DCC: variants seen among roughly 807,000 people sequenced by gnomAD.
The protein encoded by DCC is DCC netrin 1 receptor.
A neutral mutation model predicts 172.5 loss-of-function variants in DCC; 58 were observed. The ratio of observed to expected loss-of-function variants is 0.34; its 90% CI spans 0.27 to 0.42. The LOEUF (loss-of-function observed/expected upper bound fraction) is 0.42. Ranked by LOEUF, DCC falls within the 10% of genes least tolerant of loss-of-function variation. The probability of loss-of-function intolerance (pLI) is 1.00; values close to 1 mark genes in which losing one functional copy is unlikely to be tolerated. For missense variants in DCC, 1,740 were observed against 1,791.0 expected (o/e 0.97, Z 0.51); for synonymous variants, 709 against 644.5 (o/e 1.10, Z -1.52).
chr18:52,730,698 AC>A, intron 1 of DCC, among the ~76,000 whole-genome samples: 1 of 152,270 alleles, frequency 6.6e-6, no homozygotes, highest in Non-Finnish European at 1.5e-5. Flanking sequence ...AAGCAGATGA[AC>A]ATTTATATGT....
At chr18:53,045,606 C>T (rs753022057) in intron 5 of DCC, among the ~76,000 whole-genome samples, 1 of 151,702 alleles carries the variant, frequency 6.6e-6, no homozygotes, top group Non-Finnish European at 1.5e-5. Flanking sequence ...AGTGCAAGAC[C>T]GATGGCAGGG....
chr18:52,467,296 G>A (rs1988814829), intron 1 of DCC, among the ~76,000 whole-genome samples: 1 of 151,988 alleles, frequency 6.6e-6, no homozygotes, highest in Non-Finnish European at 1.5e-5. Flanking sequence ...AACATGTGGT[G>A]TTTGGTTTTC....
intron 1 of DCC, among the ~76,000 whole-genome samples, chr18:52,448,817 A>G (rs1988211125): frequency 6.6e-6 from 1 of 152,204 alleles, no homozygotes; most frequent in Non-Finnish European, 1.5e-5. Context: ...CTTTCACCCT[A>G]GTTGTCCCTA....
At chr18:53,139,747 G>T (rs1275493804) in intron 7 of DCC, among the ~76,000 whole-genome samples, 3 of 151,658 alleles carry the variant, frequency 2.0e-5, no homozygotes, top group Non-Finnish European at 4.4e-5. Context: ...GAGGCAGTTT[G>T]GCTCTGGAAT....
chr18:53,421,066 T>G (rs79302103), intron 21 of DCC, among the ~76,000 whole-genome samples: 1 of 152,184 alleles, frequency 6.6e-6, no homozygotes, highest in South Asian at 2.1e-4. Context: ...AGAAAATCCC[T>G]TTGTTTTGAG....
At chr18:53,338,082 T>G (rs1194553237) in intron 14 of DCC, among the ~76,000 whole-genome samples, 4 of 152,246 alleles carry the variant, frequency 2.6e-5, no homozygotes, top group Non-Finnish European at 5.9e-5. Context: ...CTTACATATC[T>G]TTGCATAATA....
chr18:53,154,095 C>T (rs2054689358), intron 7 of DCC, among the ~76,000 whole-genome samples: 1 of 152,110 alleles, frequency 6.6e-6, no homozygotes, highest in Non-Finnish European at 1.5e-5. Context: ...AGGCAAATCC[C>T]CTGGAATCAC....
At chr18:53,281,012 G>A (rs1201396765) in intron 12 of DCC, among the ~76,000 whole-genome samples, 4 of 152,112 alleles carry the variant, frequency 2.6e-5, no homozygotes, top group African/African-American at 9.7e-5. Flanking sequence ...CCTCAGAAGA[G>A]ACTGAGATAC....
chr18:52,688,299 C>G (rs1269321054), intron 1 of DCC, among the ~76,000 whole-genome samples: 1 of 151,958 alleles, frequency 6.6e-6, no homozygotes, highest in Non-Finnish European at 1.5e-5. Context: ...TGTAATTTTC[C>G]CAGTAACTCT....
At chr18:52,654,004 C>T (rs1412432192) in intron 1 of DCC, among the ~76,000 whole-genome samples, 1 of 152,114 alleles carries the variant, frequency 6.6e-6, no homozygotes, top group Non-Finnish European at 1.5e-5. Flanking sequence ...TTTTTCCTAG[C>T]TTATTTATAC....
intron 5 of DCC, among the ~76,000 whole-genome samples, chr18:53,037,299 A>C (rs566585639): frequency 1.0e-3 from 155 of 152,162 alleles, no homozygotes; most frequent in African/African-American, 3.6e-3. Context: ...GTGTAGTTGA[A>C]GAAGATAGCT....
Position 52,919,515 on chromosome 18 carries a change from G to A in DCC, c.698-4192G>A, listed in dbSNP as rs1051524218. 3.3e-5 allele frequency among the ~76,000 whole-genome samples: 5 copies of A among 152,224 alleles called. No homozygotes were observed. The East Asian group carries it at 5.8e-4, about 18-fold the overall frequency. ...AGCTGACATTTTCATATGAATGTAT[G>A]TACAAATTCCAATGCCTATGAAGCT... On this transcript the variant is annotated intron_variant, in intron 3 of 28. Coordinates refer to ENST00000442544, the MANE Select transcript of DCC (RefSeq NM_005215.4).
At chr18:52,716,091 G>C (rs990442080) in intron 1 of DCC, among the ~76,000 whole-genome samples, 1 of 152,214 alleles carries the variant, frequency 6.6e-6, no homozygotes, top group Admixed American at 6.5e-5. Context: ...GCAGTGTTCA[G>C]CTGCTCTCAG....
intron 5 of DCC, among the ~76,000 whole-genome samples, chr18:53,047,428 C>CATATATATATATATATAT (rs58797605): frequency 4.0e-5 from 2 of 50,038 alleles, no homozygotes; most frequent in African/African-American, 6.6e-5. Context: ...ATATATTTTA[C>CATATATATATATATATAT]ATATATATAT....
At chr18:52,876,811 C>T (rs1029876433) in intron 2 of DCC, among the ~76,000 whole-genome samples, 19 of 150,078 alleles carry the variant, frequency 1.3e-4, no homozygotes, top group African/African-American at 4.2e-4. Context: ...CCTTCCATAT[C>T]TCCCCTTTAA....
chr18:53,467,513 T>C (rs575539338), intron 24 of DCC, among the ~76,000 whole-genome samples: 51 of 152,308 alleles, frequency 3.3e-4, no homozygotes, highest in African/African-American at 1.2e-3. Context: ...TACATAGCTG[T>C]TAAAAATTAT....
In DCC at chr18:52,906,220, T is replaced by C. The variant is rs1221678150; in HGVS notation, c.589T>C (p.Leu197=). The C allele has an allele frequency of 4.3e-6, 7 of 1,613,772 alleles. No homozygotes were observed. The highest frequency in any genetic ancestry group is 2.2e-5 in the South Asian group (2 of 91,074). Residue 197 remains leucine (L), a synonymous_variant, in exon 3 of 29, where the codon TTG becomes CTG. Coordinates refer to ENST00000442544, the MANE Select transcript of DCC (RefSeq NM_005215.4). ...SRVVVLPSGA[L]QISRLQPGDI... is the part of the protein sequence containing the mutation. ...AGTGGTGGTCTTGCCCTCTGGAGCA[T>C]TGCAGATCAGCCGACTCCAACCGGG...
intron 12 of DCC, among the ~76,000 whole-genome samples, chr18:53,286,045 C>A (rs941180936): frequency 6.6e-6 from 1 of 152,174 alleles, no homozygotes; most frequent in Non-Finnish European, 1.5e-5. Flanking sequence ...ATTTTACAGG[C>A]TTACAGGTGG....
At chr18:53,400,084 A>G (rs932062371) in intron 18 of DCC, among the ~76,000 whole-genome samples, 3 of 152,168 alleles carry the variant, frequency 2.0e-5, no homozygotes, top group Admixed American at 2.0e-4. Context: ...AATAAAAAAG[A>G]AAAAGCATTT....
Sources: gnomAD v4.1 joint callset for allele counts (sites outside exome capture counted in the v4.1 genomes callset) on GRCh38, gnomAD v4.1.1 for gene constraint, MANE v1.5 for transcripts, NCBI Gene and HGNC (gene_info 2026-07-23, HGNC 2026-07-21) for gene names.